UCK2: variants seen among roughly 807,000 people sequenced by gnomAD.
The protein encoded by UCK2 is cytidine monophosphokinase 2.
A neutral mutation model predicts 30.8 loss-of-function variants in UCK2; 6 were observed. The ratio of observed to expected loss-of-function variants is 0.19; its 90% confidence interval spans 0.11 to 0.38. UCK2 has a LOEUF of 0.38. Ranked by LOEUF, UCK2 falls within the 10% of genes least tolerant of loss-of-function variation. The pLI is 1.00. For missense variants in UCK2, 210 were observed against 339.8 expected (o/e 0.62, Z 3.00); for synonymous variants, 125 against 133.6 (o/e 0.94, Z 0.45).
At chr1:165,872,206 C>T (rs1234094547) in intron 1 of UCK2, among the ~76,000 whole-genome samples, 1 of 152,182 alleles carries the variant, frequency 6.6e-6, no homozygotes. Context: ...TCCGAAGTAG[C>T]TGGGATCATA....
chr1:165,875,464 A>G (rs972974956), intron 1 of UCK2, among the ~76,000 whole-genome samples: 17 of 152,182 alleles, frequency 1.1e-4, no homozygotes, highest in African/African-American at 3.6e-4. Flanking sequence ...CAAGGCACAG[A>G]CACCAGTTGA....
At chr1:165,868,459 G>T (rs752785868) in intron 1 of UCK2, among the ~76,000 whole-genome samples, 52 of 152,180 alleles carry the variant, frequency 3.4e-4, no homozygotes, top group Non-Finnish European at 6.3e-4. Flanking sequence ...AAAATCTTTA[G>T]TGTAGCTACC....
intron 1 of UCK2, among the ~76,000 whole-genome samples, chr1:165,867,313 A>G (rs1043725792): frequency 3.9e-5 from 6 of 152,340 alleles, no homozygotes; most frequent in South Asian, 2.1e-4. Flanking sequence ...CTTAAAGTCA[A>G]CAATGAAGTT....
At chr1:165,851,060 A>G (rs749901760) in intron 1 of UCK2, among the ~76,000 whole-genome samples, 3 of 149,220 alleles carry the variant, frequency 2.0e-5, no homozygotes, top group Non-Finnish European at 3.0e-5. Context: ...CAGTGCACCC[A>G]GCTTAATCAG....
At chr1:165,828,497 G>C (rs1653954615) in intron 1 of UCK2, among the ~76,000 whole-genome samples, 1 of 152,208 alleles carries the variant, frequency 6.6e-6, no homozygotes, top group African/African-American at 2.4e-5. Context: ...GGATTACAGG[G>C]GTTTCCGGGT....
intron 1 of UCK2, among the ~76,000 whole-genome samples, chr1:165,857,760 C>T (rs1006305715): frequency 7.2e-5 from 11 of 152,202 alleles, no homozygotes; most frequent in Non-Finnish European, 5.9e-5. Flanking sequence ...CTGTATACCA[C>T]ATGTCCTTCC....
intron 1 of UCK2, among the ~76,000 whole-genome samples, chr1:165,860,730 G>A (rs960827505): frequency 2.6e-5 from 4 of 152,148 alleles, no homozygotes; most frequent in African/African-American, 9.7e-5. Context: ...GATTACAGGT[G>A]TGAGCCACAG....
At chr1:165,858,687 G>C (rs1654815398) in intron 1 of UCK2, among the ~76,000 whole-genome samples, 2 of 152,174 alleles carry the variant, frequency 1.3e-5, no homozygotes, top group Admixed American at 1.3e-4. Flanking sequence ...GGCCCCATGG[G>C]AGGAGGGAGA....
chr1:165,905,389 T>G (rs545935396), intron 5 of UCK2, among the ~76,000 whole-genome samples: 133 of 151,970 alleles, frequency 8.8e-4, no homozygotes, highest in African/African-American at 3.2e-3. Context: ...GAGGCTGAGG[T>G]GGGATGATCT....
chr1:165,841,478 G>A (rs930183771), intron 1 of UCK2, among the ~76,000 whole-genome samples: 12 of 152,102 alleles, frequency 7.9e-5, no homozygotes, highest in East Asian at 3.8e-4. Context: ...GAGCCACCGC[G>A]CCTGGCCTGT....
chr1:165,856,885 C>T (rs1389905887), intron 1 of UCK2, among the ~76,000 whole-genome samples: 3 of 147,512 alleles, frequency 2.0e-5, no homozygotes, highest in Admixed American at 7.0e-5. Flanking sequence ...ATATGGCCCT[C>T]ATAGGCGGCC....
At chr1:165,856,754 TG>T (rs1326893844) in intron 1 of UCK2, among the ~76,000 whole-genome samples, 1 of 152,128 alleles carries the variant, frequency 6.6e-6, no homozygotes, top group East Asian at 1.9e-4. Flanking sequence ...CAGTGGGAGC[TG>T]GAAAGCTTTA....
chr1:165,897,929 C>G (rs573076670), intron 4 of UCK2: 1 of 152,266 alleles, frequency 6.6e-6, no homozygotes, highest in South Asian at 2.1e-4. Context: ...TAGGCTCTTG[C>G]GACACCCCGG....
chr1:165,873,291 C>T (rs1249415643), intron 1 of UCK2, among the ~76,000 whole-genome samples: 5 of 152,316 alleles, frequency 3.3e-5, no homozygotes, highest in Admixed American at 2.6e-4. Context: ...CTTCACCCCT[C>T]ACTGGAGGAA....
chr1:165,891,410 G>T, intron 3 of UCK2, 88 bp downstream of exon 3: 1 of 1,236,588 alleles, frequency 8.1e-7, no homozygotes, highest in South Asian at 1.2e-5. Context: ...CTTACCTCTC[G>T]CACTTCAGAC....
At chr1:165,843,514 A>G (rs992665234) in intron 1 of UCK2, among the ~76,000 whole-genome samples, 48 of 152,328 alleles carry the variant, frequency 3.2e-4, no homozygotes, top group East Asian at 1.3e-3. Flanking sequence ...TGATGACTCA[A>G]TGCCTGTAAT....
Position 165,880,200 on chromosome 1 carries a change from C to T in UCK2, c.100-10004C>T, listed in dbSNP as rs534397849. Among the ~76,000 whole-genome samples the T allele has an allele frequency of 1.8e-4, 27 of 152,270 alleles. No homozygotes were observed. The South Asian group carries it at 3.3e-3, about 19-fold the overall frequency. ...CTTGATCTATTCAGTTTTTTAAGAACGGAGGAAAGTCAGCTTTCGTTTTGT... is the reference window on the plus strand; with the variant it reads ...CTTGATCTATTCAGTTTTTTAAGAATGGAGGAAAGTCAGCTTTCGTTTTGT... On this transcript the variant is annotated intron_variant, in intron 1 of 6. Coordinates refer to ENST00000367879, the MANE Select transcript of UCK2 (RefSeq NM_012474.5).
chr1:165,900,891 G>C (rs145976810), intron 4 of UCK2, among the ~76,000 whole-genome samples: 1 of 152,232 alleles, frequency 6.6e-6, no homozygotes, highest in Non-Finnish European at 1.5e-5. Flanking sequence ...CCAAGCACGG[G>C]TGTGTTTGTT....
chr1:165,869,025 C>T (rs550473423), intron 1 of UCK2, among the ~76,000 whole-genome samples: 22 of 152,134 alleles, frequency 1.4e-4, no homozygotes, highest in African/African-American at 3.1e-4. Context: ...ATTGTTCTGT[C>T]GCAGGAAATC....
Sources: allele counts gnomAD v4.1 joint callset (sites outside exome capture counted in the v4.1 genomes callset), GRCh38; gene constraint gnomAD v4.1.1; transcripts MANE v1.5; gene names NCBI Gene and HGNC (gene_info 2026-07-23, HGNC 2026-07-21).